The following CD247 variants were observed in gnomAD, a reference collection of about 807,000 sequenced individuals.
The protein encoded by CD247 is T-cell surface glycoprotein CD3 zeta chain.
Under a neutral mutation model 30.0 loss-of-function variants are expected in CD247, and 13 were observed. That is an observed-to-expected ratio of 0.43 (90% CI 0.28 to 0.69). The LOEUF is 0.69. Ranked by LOEUF, CD247 falls within the 30% of genes least tolerant of loss-of-function variation. CD247 has a pLI of 0.16. For missense variants in CD247, 193 were observed against 212.6 expected (o/e 0.91, Z 0.57); for synonymous variants, 72 against 80.0 (o/e 0.90, Z 0.53).
At chr1:167,439,834 C>G (rs990851425) in intron 2 of CD247, 1 of 192,946 alleles carries the variant, frequency 5.2e-6, no homozygotes, top group Non-Finnish European at 1.1e-5. Context: ...GTGTACTGTA[C>G]GTGCATCACT....
intron 1 of CD247, among the ~76,000 whole-genome samples, chr1:167,514,569 C>A (rs566859440): frequency 6.6e-6 from 1 of 151,946 alleles, no homozygotes; most frequent in Non-Finnish European, 1.5e-5. Context: ...CTGACTAAAG[C>A]GATCATTTTG....
At chr1:167,505,316 C>G (rs1655071374) in intron 1 of CD247, among the ~76,000 whole-genome samples, 1 of 152,146 alleles carries the variant, frequency 6.6e-6, no homozygotes, top group Non-Finnish European at 1.5e-5. Flanking sequence ...AAGACATTGT[C>G]TGAGCCTAGA....
intron 1 of CD247, among the ~76,000 whole-genome samples, chr1:167,474,749 T>C (rs1441159406): frequency 6.8e-6 from 1 of 147,844 alleles, no homozygotes; most frequent in Non-Finnish European, 1.5e-5. Context: ...GGGTTAAAAC[T>C]GTCTTTTTTT....
intron 1 of CD247, among the ~76,000 whole-genome samples, chr1:167,493,735 G>A (rs1272922915): frequency 6.6e-6 from 1 of 152,192 alleles, no homozygotes; most frequent in Non-Finnish European, 1.5e-5. Flanking sequence ...AGGACCAGAG[G>A]CATCAAGTGA....
chr1:167,431,844 T>C, intron 7 of CD247, 98 bp from the exon 8 acceptor site: 3 of 1,012,278 alleles, frequency 3.0e-6, no homozygotes, highest in Non-Finnish European at 4.7e-6. Context: ...AGCACAGCCC[T>C]GTGACCACCC....
chr1:167,505,277 T>C (rs1335132630), intron 1 of CD247, among the ~76,000 whole-genome samples: 2 of 152,116 alleles, frequency 1.3e-5, no homozygotes, highest in East Asian at 1.9e-4. Context: ...TTTGTTGTTG[T>C]TGTTGTTGAG....
At chr1:167,433,158 A>G in intron 6 of CD247, 99 bp from the exon 7 acceptor site, 1 of 1,224,214 alleles carries the variant, frequency 8.2e-7, no homozygotes. Context: ...CCAGGAAGTC[A>G]GAGGTAACTG....
chr1:167,489,380 A>T (rs1442234333), intron 1 of CD247, among the ~76,000 whole-genome samples: 1 of 152,276 alleles, frequency 6.6e-6, no homozygotes, highest in East Asian at 1.9e-4. Context: ...TTAATTAAAG[A>T]TTTCCTGCCT....
chr1:167,465,809 T>C (rs1653222198), intron 1 of CD247, among the ~76,000 whole-genome samples: 1 of 152,236 alleles, frequency 6.6e-6, no homozygotes, highest in Admixed American at 6.5e-5. Flanking sequence ...TTGGAGGTCA[T>C]TGATGACTGG....
intron 1 of CD247, among the ~76,000 whole-genome samples, chr1:167,501,768 G>T (rs1654917511): frequency 6.6e-6 from 1 of 152,174 alleles, no homozygotes; most frequent in Non-Finnish European, 1.5e-5. Context: ...AGGCAGGAGG[G>T]GCCAGCCACA....
chr1:167,449,679 T>G (rs765973560), intron 1 of CD247, among the ~76,000 whole-genome samples: 1 of 152,080 alleles, frequency 6.6e-6, no homozygotes, highest in Non-Finnish European at 1.5e-5. Flanking sequence ...TCCCAGTACG[T>G]TGGGAGGCCG....
At chr1:167,495,384 T>C (rs556878070) in intron 1 of CD247, among the ~76,000 whole-genome samples, 2 of 151,926 alleles carry the variant, frequency 1.3e-5, no homozygotes, top group Non-Finnish European at 2.9e-5. Flanking sequence ...GAGGTGGGAG[T>C]AGTTGTTACA....
rs1460217812 is a variant in CD247 at position 167,474,958 on chromosome 1, G to T, written c.59-34191C>A. Among the ~76,000 whole-genome samples, 30 of 151,650 alleles carry T rather than the reference G, an allele frequency of 2.0e-4. No homozygotes were observed. The East Asian group carries it at 5.8e-3, about 29-fold the overall frequency. On this transcript the variant is annotated intron_variant, in intron 1 of 7. Transcript: ENST00000362089. ...AGTAGAGACAGGTTTCACCAAGTTG[G>T]CCAGGCTGGTCTCCAACTCCTGACC...
intron 1 of CD247, among the ~76,000 whole-genome samples, chr1:167,449,999 A>C (rs143080030): frequency 6.6e-6 from 1 of 152,114 alleles, no homozygotes; most frequent in African/African-American, 2.4e-5. Flanking sequence ...ATGTTATTTC[A>C]TATATTCATA....
Position 167,467,672 on chromosome 1 carries a change from G to A in CD247, c.59-26905C>T, listed in dbSNP as rs537884120. The stretch of plus-strand genomic sequence containing the variant: ...TCATTTTGGACAGTTCTGAGCTTCT[G>A]CTTTATTATCGGATTTATTTGTCTG... On this transcript the variant is annotated intron_variant, in intron 1 of 7. Coordinates refer to ENST00000362089, the MANE Select transcript of CD247 (RefSeq NM_198053.3). Among the ~76,000 whole-genome samples the A allele has an allele frequency of 2.6e-5, 4 of 152,248 alleles. No individual in the cohort carries two copies. The East Asian group carries it at 7.7e-4, about 29-fold the overall frequency.
chr1:167,431,354 A>G lies in CD247; in HGVS notation c.*327T>C, dbSNP rs988975320. The G allele has an allele frequency of 1.0e-5, 6 of 596,240 alleles. No individual in the cohort carries two copies. The highest frequency in any genetic ancestry group is 1.5e-5 in the Non-Finnish European group (5 of 335,830). The allele number at this position is 596,240 out of a possible 1,614,324, so 36.9% of individuals were successfully genotyped here. ...GCTTTCTCTGGGGACTTTACAAAAC[A>G]GACTCAACAACTCAGCTGTGAGAGG... On this transcript the variant is annotated 3_prime_UTR_variant, in exon 8 of 8. Transcript: ENST00000362089.
At chr1:167,441,128 C>T (rs915557880) in intron 1 of CD247, among the ~76,000 whole-genome samples, 11 of 152,274 alleles carry the variant, frequency 7.2e-5, no homozygotes, top group African/African-American at 2.6e-4. Flanking sequence ...CTGGAAGCCT[C>T]GGGAAGATGT....
At chr1:167,444,703 C>A (rs150329257) in intron 1 of CD247, among the ~76,000 whole-genome samples, 1 of 152,342 alleles carries the variant, frequency 6.6e-6, no homozygotes, top group Admixed American at 6.5e-5. Context: ...GGGGCCACAG[C>A]ATGTGAGAGG....
At position 167,438,574 on chromosome 1, in the gene CD247, T is replaced by C; in HGVS notation, c.296A>G (p.Lys99Arg). The C allele has an allele frequency of 6.2e-7, 1 of 1,612,958 alleles. No homozygotes were observed. The highest frequency in any genetic ancestry group is 8.5e-7 in the Non-Finnish European group (1 of 1,178,934). ...GGAAGGTAGAGGAACCCCTACCGGC[T>C]TTCCCCCCATCTCAGGGTCCCGGCC... ...RRGRDPEMGG[K>R]PQRRKNPQEG... The change falls in exon 4 of 8, where the codon AAG becomes AGG. Residue 99 changes from lysine to arginine, a missense_variant. Physicochemically the swap from Lys to Arg is conservative, Grantham distance 26. Transcript: ENST00000362089.
Sources: allele counts gnomAD v4.1 joint callset (sites outside exome capture counted in the v4.1 genomes callset), GRCh38; gene constraint gnomAD v4.1.1; transcripts MANE v1.5; gene names NCBI Gene and HGNC (gene_info 2026-07-23, HGNC 2026-07-21).